The following KCNIP4 variants were observed in gnomAD, a reference collection of about 807,000 sequenced individuals.
KCNIP4 encodes Kv channel-interacting protein 4.
A neutral mutation model predicts 34.0 loss-of-function variants in KCNIP4; 12 were observed. That is an observed-to-expected ratio of 0.35 (90% CI 0.23 to 0.57). KCNIP4 has a LOEUF of 0.57. Among genes scored for constraint, KCNIP4 ranks in the 20% least tolerant of loss-of-function variants. The pLI, the probability that KCNIP4 is intolerant of heterozygous loss-of-function variation, is 0.83. For missense variants in KCNIP4, 238 were observed against 311.7 expected (o/e 0.76, Z 1.78); for synonymous variants, 124 against 102.2 (o/e 1.21, Z -1.29).
chr4:21,593,214 G>A (rs116722016), intron 1 of KCNIP4, among the ~76,000 whole-genome samples: 3,636 of 151,920 alleles, frequency 0.024, 154 homozygotes, highest in African/African-American at 0.082. Context: ...CAGAGTGTTT[G>A]TGTACACACA....
chr4:20,872,441 G>T (rs1316390831), intron 2 of KCNIP4, among the ~76,000 whole-genome samples: 6 of 152,072 alleles, frequency 3.9e-5, no homozygotes, highest in African/African-American at 1.4e-4. Context: ...TGAAATGTAA[G>T]AAGGCTAAAC....
chr4:21,703,848 T>C (rs1359091146), intron 1 of KCNIP4, among the ~76,000 whole-genome samples: 7 of 152,148 alleles, frequency 4.6e-5, no homozygotes, highest in African/African-American at 1.4e-4. Context: ...AAAATGTATA[T>C]AGATGTACAA....
chr4:21,432,456 T>C (rs1726576388), intron 1 of KCNIP4, among the ~76,000 whole-genome samples: 1 of 152,028 alleles, frequency 6.6e-6, no homozygotes, highest in East Asian at 1.9e-4. Flanking sequence ...GGGGAAGATA[T>C]GTGCTACAAA....
chr4:21,184,872 T>C (rs1755102273), intron 1 of KCNIP4, among the ~76,000 whole-genome samples: 1 of 152,282 alleles, frequency 6.6e-6, no homozygotes, highest in East Asian at 1.9e-4. Flanking sequence ...ATACTAATAA[T>C]ATTTCCAGTG....
intron 3 of KCNIP4, among the ~76,000 whole-genome samples, chr4:20,759,364 A>G (rs1754756661): frequency 6.6e-6 from 1 of 152,180 alleles, no homozygotes; most frequent in South Asian, 2.1e-4. Context: ...AATAGATACT[A>G]ATGCTTGTTA....
At chr4:21,786,130 G>A (rs915393626) in intron 1 of KCNIP4, among the ~76,000 whole-genome samples, 2 of 152,188 alleles carry the variant, frequency 1.3e-5, no homozygotes, top group African/African-American at 4.8e-5. Context: ...TGTATTTTCA[G>A]TAGAGATGGG....
chr4:21,636,571 A>G (rs1032780653), intron 1 of KCNIP4, among the ~76,000 whole-genome samples: 1 of 152,140 alleles, frequency 6.6e-6, no homozygotes, highest in Non-Finnish European at 1.5e-5. Context: ...TGTGGCAGAC[A>G]ATGAAGTGTA....
intron 1 of KCNIP4, among the ~76,000 whole-genome samples, chr4:21,126,973 C>T (rs557589134): frequency 1.3e-4 from 20 of 152,276 alleles, no homozygotes; most frequent in African/African-American, 4.3e-4. Context: ...AATAGCAAGT[C>T]CTAAATTCTC....
intron 1 of KCNIP4, among the ~76,000 whole-genome samples, chr4:21,444,409 T>C (rs1464393075): frequency 6.6e-6 from 1 of 152,124 alleles, no homozygotes; most frequent in Non-Finnish European, 1.5e-5. Flanking sequence ...CAGCAGCACA[T>C]CAAAAAGCTT....
intron 1 of KCNIP4, among the ~76,000 whole-genome samples, chr4:21,288,110 G>A (rs779298232): frequency 4.6e-5 from 7 of 152,134 alleles, no homozygotes; most frequent in African/African-American, 7.2e-5. Context: ...CCAGTGGCAA[G>A]ATTTATGTTG....
At chr4:21,461,772 A>G (rs1409750566) in intron 1 of KCNIP4, among the ~76,000 whole-genome samples, 1 of 151,774 alleles carries the variant, frequency 6.6e-6, no homozygotes, top group Non-Finnish European at 1.5e-5. Context: ...TATCCTTCAG[A>G]ATTTGGTTAA....
At chr4:20,791,911 T>C (rs2149404931) in intron 3 of KCNIP4, among the ~76,000 whole-genome samples, 1 of 152,316 alleles carries the variant, frequency 6.6e-6, no homozygotes, top group East Asian at 1.9e-4. Flanking sequence ...ATAAACTGTC[T>C]TTGGATGTGA....
chr4:20,845,948 T>C (rs2149477458), intron 3 of KCNIP4, among the ~76,000 whole-genome samples: 1 of 152,326 alleles, frequency 6.6e-6, no homozygotes, highest in Middle Eastern at 3.4e-3. Flanking sequence ...CACTTAGCTA[T>C]GTCATTTCTG....
At chr4:21,350,575 T>C (rs1017684611) in intron 1 of KCNIP4, among the ~76,000 whole-genome samples, 2 of 152,234 alleles carry the variant, frequency 1.3e-5, no homozygotes, top group Non-Finnish European at 2.9e-5. Context: ...CTGATTATTA[T>C]GCCCAGTATA....
chr4:21,573,980 AT>A (rs1386479169), intron 1 of KCNIP4, among the ~76,000 whole-genome samples: 1 of 152,174 alleles, frequency 6.6e-6, no homozygotes, highest in Non-Finnish European at 1.5e-5. Context: ...ACCTTTAAAA[AT>A]TTCAAAATGG....
intron 3 of KCNIP4, among the ~76,000 whole-genome samples, chr4:20,849,009 T>G (rs1356445873): frequency 6.6e-6 from 1 of 152,194 alleles, no homozygotes; most frequent in Non-Finnish European, 1.5e-5. Flanking sequence ...TACCACTGTT[T>G]CATTGCAAAT....
At chr4:20,937,119 GTGTT>G (rs1038491997) in intron 1 of KCNIP4, among the ~76,000 whole-genome samples, 5 of 151,128 alleles carry the variant, frequency 3.3e-5, no homozygotes, top group African/African-American at 1.2e-4. Flanking sequence ...CCTGCCTAGA[GTGTT>G]TGACCACTGC....
At chr4:20,794,690 T>C (rs1177528133) in intron 3 of KCNIP4, among the ~76,000 whole-genome samples, 1 of 152,202 alleles carries the variant, frequency 6.6e-6, no homozygotes, top group East Asian at 1.9e-4. Context: ...TGAAGTTCTA[T>C]TTCTCGATCT....
intron 1 of KCNIP4, among the ~76,000 whole-genome samples, chr4:21,119,995 C>A (rs1446061317): frequency 1.3e-5 from 2 of 152,094 alleles, no homozygotes; most frequent in Non-Finnish European, 2.9e-5. Flanking sequence ...GTGTGAGACT[C>A]CTGGGAAGGG....
Sources: gnomAD v4.1 joint callset for allele counts (sites outside exome capture counted in the v4.1 genomes callset) on GRCh38, gnomAD v4.1.1 for gene constraint, MANE v1.5 for transcripts, NCBI Gene and HGNC (gene_info 2026-07-23, HGNC 2026-07-21) for gene names.